Variants in FANCC observed in about 807,000 individuals in gnomAD.
FANCC encodes Fanconi anemia group C protein.
In FANCC, 55 loss-of-function variants were observed where a neutral mutation model predicts 71.3. That is an observed-to-expected ratio of 0.77 (90% CI 0.62 to 0.97). The LOEUF is 0.97. Ranked by LOEUF, FANCC falls within the 50% of genes least tolerant of loss-of-function variation. The pLI is 0.00. For synonymous variants in FANCC, 275 were observed against 244.9 expected, an observed-to-expected ratio of 1.12 and a Z score of -1.15; for missense variants, 678 against 670.9, an observed-to-expected ratio of 1.01 and a Z score of -0.12.
At chr9:95,105,832 A>AC (rs2071401774) in intron 14 of FANCC, among the ~76,000 whole-genome samples, 1 of 152,102 alleles carries the variant, frequency 6.6e-6, no homozygotes, top group African/African-American at 2.4e-5. Flanking sequence ...GCTGAACAGT[A>AC]CTCTCTTGTG....
At chr9:95,280,748 C>G (rs1422676854) in intron 1 of FANCC, among the ~76,000 whole-genome samples, 1 of 152,158 alleles carries the variant, frequency 6.6e-6, no homozygotes, top group Non-Finnish European at 1.5e-5. Context: ...TATAGAAAAG[C>G]TGCCTGACAG....
intron 4 of FANCC, among the ~76,000 whole-genome samples, chr9:95,223,454 C>T (rs1198064307): frequency 6.6e-6 from 1 of 152,174 alleles, no homozygotes; most frequent in East Asian, 1.9e-4. Context: ...TTAGGGTCCA[C>T]CTTAATCCAG....
chr9:95,294,042 C>T (rs866157272), intron 1 of FANCC: 3 of 1,601,818 alleles, frequency 1.9e-6, no homozygotes, highest in African/African-American at 2.7e-5. Flanking sequence ...TTATAAACTT[C>T]AGTGCACAGA....
chr9:95,203,449 A>G (rs1404576171), intron 4 of FANCC, among the ~76,000 whole-genome samples: 2 of 151,824 alleles, frequency 1.3e-5, no homozygotes, highest in Non-Finnish European at 1.5e-5. Context: ...CCGCAGGCTA[A>G]TTTCACTACA....
intron 4 of FANCC, among the ~76,000 whole-genome samples, chr9:95,226,957 C>T (rs1214266924): frequency 6.6e-6 from 1 of 152,164 alleles, no homozygotes; most frequent in Non-Finnish European, 1.5e-5. Flanking sequence ...GGGTCTCTCG[C>T]TTCTACCCCC....
At chr9:95,157,769 G>A (rs1830528434) in intron 6 of FANCC, among the ~76,000 whole-genome samples, 1 of 152,160 alleles carries the variant, frequency 6.6e-6, no homozygotes, top group Non-Finnish European at 1.5e-5. Context: ...TTCTTGGGAA[G>A]GTTATCAGTT....
chr9:95,252,727 A>G (rs1278751095), intron 1 of FANCC, among the ~76,000 whole-genome samples: 2 of 146,366 alleles, frequency 1.4e-5, no homozygotes, highest in African/African-American at 5.1e-5. Flanking sequence ...CCTGGGCAAC[A>G]GAGCGAGACT....
chr9:95,195,749 A>C (rs938633258), intron 4 of FANCC, among the ~76,000 whole-genome samples: 1 of 152,202 alleles, frequency 6.6e-6, no homozygotes, highest in African/African-American at 2.4e-5. Context: ...TCATCACTAA[A>C]TATCTCTCCA....
Position 95,101,625 on chromosome 9 carries a change from C to T in FANCC, c.*82G>A, listed in dbSNP as rs529828813. On this transcript the variant is annotated 3_prime_UTR_variant, in exon 15 of 15. Coordinates refer to ENST00000289081, the MANE Select transcript of FANCC (RefSeq NM_000136.3). Reference sequence around the variant, plus strand: ...AGCGAGGGCACTTACTCCACAAATGCGTGGCCACAGGTCATCACCTGTCCT... The same window carrying T: ...AGCGAGGGCACTTACTCCACAAATGTGTGGCCACAGGTCATCACCTGTCCT... The T allele has an allele frequency of 3.9e-5, 61 of 1,566,766 alleles. No homozygotes were observed. Among genetic ancestry groups the T allele is most frequent in the Middle Eastern group, 4.5e-4 (2 of 4,460 alleles).
chr9:95,115,279 G>C (rs1276384703), intron 11 of FANCC, among the ~76,000 whole-genome samples: 1 of 152,208 alleles, frequency 6.6e-6, no homozygotes. Context: ...GAAGTAGCTA[G>C]AGATTGCATA....
At chr9:95,294,272 C>T (rs1447006178) in intron 1 of FANCC, 3 of 1,582,424 alleles carry the variant, frequency 1.9e-6, no homozygotes, top group Non-Finnish European at 2.6e-6. Context: ...TTTTCGGCCT[C>T]ACATATCCAG....
intron 1 of FANCC, among the ~76,000 whole-genome samples, chr9:95,268,158 A>G (rs1303278126): frequency 6.6e-6 from 1 of 152,246 alleles, no homozygotes; most frequent in Non-Finnish European, 1.5e-5. Context: ...CAACCCCTAC[A>G]GAAACTTGAT....
rs1002684748 is a variant in FANCC, at chr9:95,107,444, G to A, written c.1330-175C>T. The A allele has an allele frequency of 1.7e-5, 12 of 689,732 alleles. No homozygotes were observed. In the East Asian group the frequency reaches 2.2e-4, roughly 12 times the overall value. 42.7% of individuals were successfully genotyped at this position (689,732 alleles called of 1,614,324 possible). On this transcript the variant is annotated intron_variant, in intron 13 of 14. Transcript: ENST00000289081. ...CGATTTCACACAAACCCAAATGGGCGGAATGGAAATTTCTTGACTTTCTTT... is the reference window on the plus strand; with the variant it reads ...CGATTTCACACAAACCCAAATGGGCAGAATGGAAATTTCTTGACTTTCTTT...
At chr9:95,231,712 A>T (rs1359002106) in intron 4 of FANCC, among the ~76,000 whole-genome samples, 1 of 152,210 alleles carries the variant, frequency 6.6e-6, no homozygotes, top group Non-Finnish European at 1.5e-5. Flanking sequence ...TTCGTGATTA[A>T]CCTAAAGAGG....
chr9:95,296,278 T>C (rs923894564), intron 1 of FANCC, among the ~76,000 whole-genome samples: 5 of 152,172 alleles, frequency 3.3e-5, no homozygotes, highest in Non-Finnish European at 7.3e-5. Context: ...CTAGACACAC[T>C]AATTAAATGT....
intron 10 of FANCC, chr9:95,123,505 A>G (rs1473450955): frequency 2.1e-6 from 1 of 478,938 alleles, no homozygotes; most frequent in Non-Finnish European, 4.2e-6. Flanking sequence ...TGCTTCCTCC[A>G]GTCCGTGCCT....
chr9:95,307,893 T>C (rs1835157751), intron 1 of FANCC, among the ~76,000 whole-genome samples: 1 of 152,190 alleles, frequency 6.6e-6, no homozygotes, highest in Admixed American at 6.5e-5. Context: ...ATAACAGAAA[T>C]TTATCAGCTC....
rs1415434775 is a variant in FANCC at position 95,107,135 on chromosome 9, C to G, written c.1464G>C (p.Arg488Ser). ...DLRAPAQQLIRHLLLNFLLWA... is the reference protein window; with the variant it reads ...DLRAPAQQLISHLLLNFLLWA... The stretch of plus-strand genomic sequence containing the variant: ...AGAGCAGGAAGTTGAGGAGAAGGTG[C>G]CTGATCAGCTGTTGTGCAGGAGCTC... The change falls in exon 14 of 15, where the codon AGG (arginine) becomes AGC (serine). Residue 488 changes from arginine (R) to serine (S), a missense_variant. Arg to Ser is a moderately radical substitution (Grantham distance 110, BLOSUM62 -1). Transcript: ENST00000289081. 1.2e-6 allele frequency: 2 copies of G among 1,614,048 alleles called. No homozygotes were observed. Among genetic ancestry groups the G allele is most frequent in the Middle Eastern group, 1.6e-4 (1 of 6,078 alleles).
chr9:95,202,472 A>G (rs1455468808), intron 4 of FANCC, among the ~76,000 whole-genome samples: 2 of 152,234 alleles, frequency 1.3e-5, no homozygotes, highest in Admixed American at 1.3e-4. Flanking sequence ...CTCTAGAACG[A>G]GGCAGCTTTT....
Sources: allele counts gnomAD v4.1 joint callset (sites outside exome capture counted in the v4.1 genomes callset), GRCh38; gene constraint gnomAD v4.1.1; transcripts MANE v1.5; gene names NCBI Gene and HGNC (gene_info 2026-07-23, HGNC 2026-07-21).